The following C1QTNF3 variants were observed in gnomAD, a reference collection of about 807,000 sequenced individuals.
The protein encoded by C1QTNF3 is C1q and TNF related 3, also known as complement C1q tumor necrosis factor-related protein 3.
Under a neutral mutation model 32.6 loss-of-function variants are expected in C1QTNF3, and 26 were observed. That is an observed-to-expected ratio of 0.80 (90% CI 0.58 to 1.11). The LOEUF (loss-of-function observed/expected upper bound fraction) is 1.11. Among genes scored for constraint, C1QTNF3 ranks in the 50% least tolerant of loss-of-function variants. C1QTNF3 has a pLI of 0.00. For missense variants in C1QTNF3, 362 were observed against 398.2 expected (o/e 0.91, Z 0.77); for synonymous variants, 155 against 146.0 (o/e 1.06, Z -0.44).
chr5:34,113,582 C>A, the C1QTNF3 span, among the ~76,000 whole-genome samples: 3 of 151,604 alleles, frequency 2.0e-5, no homozygotes, highest in African/African-American at 7.3e-5. Context: ...AATGATATGA[C>A]CTTATTATTA....
chr5:34,143,818 T>C, the C1QTNF3 span, among the ~76,000 whole-genome samples: 1 of 152,024 alleles, frequency 6.6e-6, no homozygotes, highest in African/African-American at 2.4e-5. Flanking sequence ...CACCTGCTAC[T>C]CCAAAAACAC....
the C1QTNF3 span, among the ~76,000 whole-genome samples, chr5:34,243,992 C>G: frequency 3.3e-5 from 5 of 152,078 alleles, no homozygotes; most frequent in African/African-American, 1.2e-4. Context: ...ATTTGATGGA[C>G]TGGATTAGAA....
chr5:34,090,548 C>T, the C1QTNF3 span, among the ~76,000 whole-genome samples: 5 of 151,968 alleles, frequency 3.3e-5, no homozygotes, highest in East Asian at 1.9e-4. Flanking sequence ...TTAACTTATT[C>T]GTTTACAATA....
the C1QTNF3 span, among the ~76,000 whole-genome samples, chr5:34,210,201 G>T: frequency 6.6e-6 from 1 of 151,970 alleles, no homozygotes; most frequent in South Asian, 2.1e-4. Context: ...GCATAATTAT[G>T]ATTTGTTGAA....
chr5:34,084,611 G>A, the C1QTNF3 span, among the ~76,000 whole-genome samples: 1 of 151,078 alleles, frequency 6.6e-6, no homozygotes, highest in Admixed American at 6.6e-5. Flanking sequence ...TCACCTTGTG[G>A]AGACTGAAAC....
the C1QTNF3 span, among the ~76,000 whole-genome samples, chr5:34,171,163 C>G: frequency 1.3e-5 from 2 of 151,862 alleles, no homozygotes; most frequent in Non-Finnish European, 2.9e-5. Flanking sequence ...TTATTATGGG[C>G]TTTGCTTGAC....
chr5:34,113,119 C>T, the C1QTNF3 span, among the ~76,000 whole-genome samples: 1 of 130,646 alleles, frequency 7.7e-6, no homozygotes, highest in South Asian at 2.7e-4. Flanking sequence ...TCAGGATATC[C>T]CATATTTTCC....
chr5:34,242,127 C>T, the C1QTNF3 span, among the ~76,000 whole-genome samples: 55 of 152,270 alleles, frequency 3.6e-4, no homozygotes, highest in South Asian at 0.011. Flanking sequence ...CTCCATGAAA[C>T]TACCAATATC....
At chr5:34,054,926 T>A in the C1QTNF3 span, among the ~76,000 whole-genome samples, 1 of 152,148 alleles carries the variant, frequency 6.6e-6, no homozygotes, top group Admixed American at 6.5e-5. Context: ...GCATATCAAT[T>A]AAGGATTTGA....
the C1QTNF3 span, among the ~76,000 whole-genome samples, chr5:34,062,426 TG>T: frequency 6.6e-6 from 1 of 152,234 alleles, no homozygotes; most frequent in Non-Finnish European, 1.5e-5. Context: ...TAAGTCCTTT[TG>T]GGTACAATAT....
chr5:34,215,820 A>G, the C1QTNF3 span, among the ~76,000 whole-genome samples: 3 of 152,226 alleles, frequency 2.0e-5, no homozygotes, highest in Admixed American at 6.5e-5. Flanking sequence ...ATTTTTTTAG[A>G]TGGGATCTCA....
the C1QTNF3 span, among the ~76,000 whole-genome samples, chr5:34,208,523 C>T: frequency 6.6e-6 from 1 of 151,702 alleles, no homozygotes; most frequent in Admixed American, 6.6e-5. Flanking sequence ...AATATCTGTA[C>T]ACATTGACAA....
chr5:34,171,166 T>C, the C1QTNF3 span, among the ~76,000 whole-genome samples: 1 of 152,082 alleles, frequency 6.6e-6, no homozygotes, highest in Non-Finnish European at 1.5e-5. Context: ...TTATGGGCTT[T>C]GCTTGACTCA....
At chr5:34,219,773 T>G in the C1QTNF3 span, 3 of 152,110 alleles carry the variant, frequency 2.0e-5, no homozygotes, top group Admixed American at 6.6e-5. Context: ...CCATGCCTAG[T>G]CAGGCAAAAC....
chr5:34,196,347 A>G, the C1QTNF3 span, among the ~76,000 whole-genome samples: 2 of 152,200 alleles, frequency 1.3e-5, no homozygotes. Context: ...CATGCTGCCC[A>G]GGCTAGTCTC....
chr5:34,235,584 C>G, the C1QTNF3 span, among the ~76,000 whole-genome samples: 4 of 60,012 alleles, frequency 6.7e-5, no homozygotes, highest in African/African-American at 2.6e-4. Context: ...TTATCTATTT[C>G]TTGGATTATG....
the C1QTNF3 span, among the ~76,000 whole-genome samples, chr5:34,224,662 T>C: frequency 1.6e-4 from 24 of 152,104 alleles, 1 homozygote; most frequent in East Asian, 4.4e-3. Flanking sequence ...CAAGATGGAG[T>C]AAAGACTTAA....
At chr5:34,210,668 T>C in the C1QTNF3 span, among the ~76,000 whole-genome samples, 1 of 152,084 alleles carries the variant, frequency 6.6e-6, no homozygotes, top group Admixed American at 6.6e-5. Flanking sequence ...ACAGACATTA[T>C]CATTTTTAAT....
chr5:34,223,001 A>C, the C1QTNF3 span, among the ~76,000 whole-genome samples: 1 of 151,870 alleles, frequency 6.6e-6, no homozygotes, highest in South Asian at 2.1e-4. Flanking sequence ...TTAAAAATGA[A>C]CATTTTTTTA....
Sources: gnomAD v4.1 joint callset for allele counts (sites outside exome capture counted in the v4.1 genomes callset) on GRCh38, gnomAD v4.1.1 for gene constraint, MANE v1.5 for transcripts, NCBI Gene and HGNC (gene_info 2026-07-23, HGNC 2026-07-21) for gene names.